The following PDE1A variants were observed in gnomAD, a reference collection of about 807,000 sequenced individuals.
The protein encoded by PDE1A is dual specificity calcium/calmodulin-dependent 3',5'-cyclic nucleotide phosphodiesterase 1A.
PDE1A carries 35 observed loss-of-function variants against 61.7 expected under a neutral mutation model. The ratio of observed to expected loss-of-function variants is 0.57; its 90% CI spans 0.43 to 0.75. The LOEUF (loss-of-function observed/expected upper bound fraction) is 0.75, where lower values mean the gene tolerates loss of function less well. Ranked by LOEUF, PDE1A falls within the 30% of genes least tolerant of loss-of-function variation. The pLI, the probability that PDE1A is intolerant of heterozygous loss-of-function variation, is 0.00. For synonymous variants in PDE1A, 232 were observed against 213.2 expected (o/e 1.09, Z -0.77); for missense variants, 597 against 630.6 (o/e 0.95, Z 0.57).
the PDE1A span, among the ~76,000 whole-genome samples, chr2:182,633,468 T>TA: frequency 6.6e-6 from 1 of 152,192 alleles, no homozygotes; most frequent in African/African-American, 2.4e-5. Flanking sequence ...TGGCTGGTGT[T>TA]ATGTCCAATT....
At chr2:182,578,443 G>A in the PDE1A span, among the ~76,000 whole-genome samples, 25 of 152,256 alleles carry the variant, frequency 1.6e-4, 1 homozygote, top group African/African-American at 6.0e-4. Context: ...CAAAAAGAAA[G>A]TCTATATTAT....
chr2:182,602,254 A>C, the PDE1A span, among the ~76,000 whole-genome samples: 21,794 of 152,170 alleles, frequency 0.14, 1,851 homozygotes, highest in African/African-American at 0.23. Context: ...ACACCTGGGG[A>C]GCTTCTGCCC....
chr2:182,481,948 T>C (rs1203990840), intron 2 of PDE1A, among the ~76,000 whole-genome samples: 2 of 151,924 alleles, frequency 1.3e-5, no homozygotes, highest in African/African-American at 4.8e-5. Flanking sequence ...GAGTGACCAA[T>C]GTAATTATCT....
At chr2:182,522,262 A>G (rs773925605) in intron 2 of PDE1A, 2 of 1,606,510 alleles carry the variant, frequency 1.2e-6, no homozygotes, top group Non-Finnish European at 1.7e-6. Flanking sequence ...ATAAAAAGCA[A>G]AGAGCATACT....
At chr2:182,173,248 A>G (rs1356154059) in intron 13 of PDE1A, among the ~76,000 whole-genome samples, 1 of 152,058 alleles carries the variant, frequency 6.6e-6, no homozygotes, top group Non-Finnish European at 1.5e-5. Flanking sequence ...AAAAAAATCA[A>G]GTAGTCCAGA....
chr2:182,316,451 T>C (rs1044807457), intron 1 of PDE1A, among the ~76,000 whole-genome samples: 3 of 152,310 alleles, frequency 2.0e-5, no homozygotes, highest in East Asian at 3.9e-4. Context: ...CAAGACTATA[T>C]GTTTGGTAAA....
intron 1 of PDE1A, among the ~76,000 whole-genome samples, chr2:182,329,990 A>G (rs984639908): frequency 6.6e-6 from 1 of 151,900 alleles, no homozygotes; most frequent in African/African-American, 2.4e-5. Flanking sequence ...ATGAACCTCA[A>G]ATTACCATCT....
intron 1 of PDE1A, among the ~76,000 whole-genome samples, chr2:182,282,260 C>T (rs1028795432): frequency 6.6e-6 from 1 of 151,938 alleles, no homozygotes; most frequent in African/African-American, 2.4e-5. Flanking sequence ...GTCTTGGCTA[C>T]CTTTCTGCTC....
intron 1 of PDE1A, among the ~76,000 whole-genome samples, chr2:182,363,536 T>C (rs899571495): frequency 3.9e-5 from 6 of 151,968 alleles, no homozygotes; most frequent in African/African-American, 7.2e-5. Flanking sequence ...GGTAAAAGAA[T>C]GAGCCATGTG....
chr2:182,218,937 T>C (rs139504260), intron 7 of PDE1A, among the ~76,000 whole-genome samples: 2 of 152,130 alleles, frequency 1.3e-5, no homozygotes, highest in Non-Finnish European at 2.9e-5. Flanking sequence ...TCAAAGTGAA[T>C]AAAATTACCT....
At chr2:182,471,652 A>AT (rs1175346445) in intron 2 of PDE1A, among the ~76,000 whole-genome samples, 1 of 151,714 alleles carries the variant, frequency 6.6e-6, no homozygotes, top group Non-Finnish European at 1.5e-5. Context: ...TTTTTTAAGA[A>AT]TTTTTTTGTA....
At chr2:182,155,084 C>CTT (rs11375672) in intron 13 of PDE1A, among the ~76,000 whole-genome samples, 3,867 of 111,476 alleles carry the variant, frequency 0.035, 178 homozygotes, top group Admixed American at 0.12. Context: ...TTTAATTCTG[C>CTT]TTTTTTTTTT....
intron 2 of PDE1A, among the ~76,000 whole-genome samples, chr2:182,469,873 G>C (rs1044389532): frequency 6.6e-6 from 1 of 151,880 alleles, no homozygotes; most frequent in Admixed American, 6.6e-5. Flanking sequence ...GAGAGGAAGA[G>C]AGAGAGAGGG....
chr2:182,561,435 A>G, the PDE1A span, among the ~76,000 whole-genome samples: 6 of 152,162 alleles, frequency 3.9e-5, no homozygotes, highest in Non-Finnish European at 5.9e-5. Context: ...TGGTACCAGT[A>G]CCATGCTGTT....
chr2:182,448,838 G>A (rs1467437514), intron 2 of PDE1A, among the ~76,000 whole-genome samples: 1 of 151,958 alleles, frequency 6.6e-6, no homozygotes, highest in African/African-American at 2.4e-5. Context: ...TGGTGTTGGT[G>A]TGGAAAGGTA....
At chr2:182,334,452 GATGC>G (rs1265950552) in intron 1 of PDE1A, among the ~76,000 whole-genome samples, 2 of 152,280 alleles carry the variant, frequency 1.3e-5, no homozygotes, top group African/African-American at 4.8e-5. Flanking sequence ...TCAACCCTGG[GATGC>G]AAGGCTGGTT....
chr2:182,336,775 A>G (rs1381670766), intron 1 of PDE1A, among the ~76,000 whole-genome samples: 3 of 22,444 alleles, frequency 1.3e-4, no homozygotes, highest in South Asian at 1.4e-3. Context: ...ATATATATAT[A>G]TAAGTCCCTA....
intron 1 of PDE1A, among the ~76,000 whole-genome samples, chr2:182,351,612 T>C (rs1480473925): frequency 6.6e-6 from 1 of 152,244 alleles, no homozygotes; most frequent in Non-Finnish European, 1.5e-5. Context: ...TACTTTTCCA[T>C]GCATGTCACA....
At chr2:182,456,507 A>C (rs551349316) in intron 2 of PDE1A, among the ~76,000 whole-genome samples, 67 of 152,248 alleles carry the variant, frequency 4.4e-4, no homozygotes, top group South Asian at 1.0e-3. Context: ...AAAGTAGTAC[A>C]ATAAAATAAT....
Sources: allele counts gnomAD v4.1 joint callset (sites outside exome capture counted in the v4.1 genomes callset), GRCh38; gene constraint gnomAD v4.1.1; transcripts MANE v1.5; gene names NCBI Gene and HGNC (gene_info 2026-07-23, HGNC 2026-07-21).